PAK6: variants seen among roughly 807,000 people sequenced by gnomAD.
The protein encoded by PAK6 is serine/threonine-protein kinase PAK 6.
In PAK6, 33 loss-of-function variants were observed where a neutral mutation model predicts 60.8. That is an observed-to-expected ratio of 0.54 (90% CI 0.41 to 0.73). PAK6 has a LOEUF of 0.73. Among genes scored for constraint, PAK6 ranks in the 30% least tolerant of loss-of-function variants. The pLI is 0.00. For synonymous variants in PAK6, 404 were observed against 378.5 expected, an observed-to-expected ratio of 1.07 and a Z score of -0.78; for missense variants, 845 against 904.1, an observed-to-expected ratio of 0.93 and a Z score of 0.84.
chr15:40,248,242 G>A lies in PAK6; in HGVS notation c.-117-4936G>A, dbSNP rs184462510. 7.2e-5 allele frequency among the ~76,000 whole-genome samples: 11 copies of A among 152,302 alleles called. No individual in the cohort carries two copies. The East Asian group carries it at 2.1e-3, about 29-fold the overall frequency. On this transcript the variant is annotated intron_variant, in intron 2 of 10. Coordinates refer to ENST00000560346, the Ensembl canonical transcript of PAK6. ...CGGCTCACACTTCCAGATGCTCGGAGGTTCAGAGGTTTGCACCTCCCTCTT... is the reference window on the plus strand; with the variant it reads ...CGGCTCACACTTCCAGATGCTCGGAAGTTCAGAGGTTTGCACCTCCCTCTT...
chr15:40,273,381 C>G, exon 8 of PAK6: 1 of 1,614,000 alleles, frequency 6.2e-7, no homozygotes, highest in Non-Finnish European at 8.5e-7. Flanking sequence ...GTGTGTGAGG[C>G]TGTGCTGCAG....
chr15:40,251,053 CAGG>C (rs1384030322), intron 2 of PAK6: 1 of 152,498 alleles, frequency 6.6e-6, no homozygotes, highest in Non-Finnish European at 1.5e-5. Flanking sequence ...TGGGTGACCA[CAGG>C]AGGTCAGAGT....
chr15:40,272,592 C>T, exon 6 of PAK6: 2 of 1,612,984 alleles, frequency 1.2e-6, no homozygotes, highest in Non-Finnish European at 1.7e-6. Context: ...TGCTGGACAG[C>T]TACGTGAAGA....
In PAK6 at chr15:40,275,991, C is replaced by T. The variant is rs768900428; in HGVS notation, c.1943C>T (p.Thr648Ile). The T allele has an allele frequency of 2.5e-6, 4 of 1,613,602 alleles. No homozygotes were observed. The highest frequency in any genetic ancestry group is 3.4e-6 in the Non-Finnish European group (4 of 1,179,936). ...GTGCGGGACCCCCAAGAGAGAGCCA[C>T]AGCCCAGGAGCTCCTAGACCACCCC... Residue 648 changes from threonine to isoleucine, a missense_variant, in exon 11 of 11, where the codon ACA (threonine) becomes ATA (isoleucine). Thr to Ile is a moderately conservative substitution (Grantham distance 89). Transcript: ENST00000560346.
chr15:40,264,494 C>T (rs565285690), intron 3 of PAK6: 27 of 558,774 alleles, frequency 4.8e-5, no homozygotes, highest in South Asian at 1.4e-4. Context: ...AACACACCCC[C>T]AGAGTCTGCC....
At chr15:40,252,447 C>A in intron 2 of PAK6, 1 of 1,360,340 alleles carries the variant, frequency 7.4e-7, no homozygotes, top group South Asian at 1.1e-5. Flanking sequence ...CGGCGCCCCT[C>A]GGGCAGAGGG....
At chr15:40,273,674 G>A in exon 9 of PAK6, 1 of 1,613,684 alleles carries the variant, frequency 6.2e-7, no homozygotes, top group African/African-American at 1.3e-5. Context: ...GTATGCCACT[G>A]AGGTAACCGT....
chr15:40,268,364 T>G (rs554195941), intron 5 of PAK6, among the ~76,000 whole-genome samples: 2 of 152,290 alleles, frequency 1.3e-5, no homozygotes, highest in Non-Finnish European at 2.9e-5. Flanking sequence ...TCACTAGAAG[T>G]TGGTGGTACC....
intron 2 of PAK6, among the ~76,000 whole-genome samples, chr15:40,248,651 G>A (rs929116151): frequency 3.9e-5 from 6 of 152,206 alleles, no homozygotes; most frequent in South Asian, 2.1e-4. Context: ...GGAACCTGAG[G>A]GCCCCTCTGC....
chr15:40,270,584 C>T lies in PAK6; in HGVS notation c.859-1640C>T, dbSNP rs148765496. ...TCCTGACAGCCCAGTCCAGGGGTCC[C>T]ACTGCTCCACTACACAGTGGATGGT... On this transcript the variant is annotated intron_variant, in intron 5 of 10. Coordinates refer to ENST00000560346, the Ensembl canonical transcript of PAK6. Among the ~76,000 whole-genome samples, 129 of 152,338 alleles carry T rather than the reference C, an allele frequency of 8.5e-4. 2 individuals are homozygous for T. In the East Asian group the frequency reaches 0.024, roughly 28 times the overall value.
intron 9 of PAK6, 78 bp downstream of exon 9, chr15:40,273,754 T>C (rs2039375336): frequency 3.2e-6 from 5 of 1,539,056 alleles, no homozygotes; most frequent in Admixed American, 3.7e-5. Context: ...GCCCCTCCAG[T>C]GAGCTCACCA....
chr15:40,265,915 C>A lies in PAK6; in HGVS notation c.278C>A (p.Ser93Ter). Reference sequence around the variant, plus strand: ...CTGCTCAACGACATCCAGAAGTTGTCAGTCATCAGCTCCAACACCCTGCGT... The same window carrying A: ...CTGCTCAACGACATCCAGAAGTTGTAAGTCATCAGCTCCAACACCCTGCGT... Residue 93 changes from serine to a stop codon, truncating the protein, a stop_gained, in exon 5 of 11, where the codon TCA becomes TAA. Coordinates refer to ENST00000560346, the Ensembl canonical transcript of PAK6. LOFTEE classifies it high-confidence loss of function. The A allele has an allele frequency of 6.3e-7, 1 of 1,594,328 alleles. No individual in the cohort carries two copies. Among genetic ancestry groups the A allele is most frequent in the Non-Finnish European group, 8.6e-7 (1 of 1,167,686 alleles).
At chr15:40,274,723 T>C (rs145631111) in intron 10 of PAK6, among the ~76,000 whole-genome samples, 21 of 152,354 alleles carry the variant, frequency 1.4e-4, no homozygotes, top group African/African-American at 4.8e-4. Context: ...GCTCCATCGT[T>C]GCACACCCCG....
intron 5 of PAK6, chr15:40,266,888 A>C (rs940436702): frequency 3.3e-5 from 6 of 183,754 alleles, no homozygotes; most frequent in Non-Finnish European, 6.7e-5. Context: ...ATTTCTTGGC[A>C]GGCAGAGTGG....
At chr15:40,276,201 G>T in exon 11 of PAK6, 1 of 1,128,592 alleles carries the variant, frequency 8.9e-7, no homozygotes, top group Non-Finnish European at 1.3e-6. Flanking sequence ...TCTCTCCAAA[G>T]ATTGAAATGT....
At chr15:40,275,880 G>C in intron 10 of PAK6, 47 bp from the exon 11 acceptor site, 2 of 1,564,144 alleles carry the variant, frequency 1.3e-6, no homozygotes, top group Non-Finnish European at 1.7e-6. Context: ...AGGTCACCCC[G>C]AAGTGACTGC....
At chr15:40,252,499 G>T (rs2038703230) in intron 2 of PAK6, 2 of 1,363,290 alleles carry the variant, frequency 1.5e-6, no homozygotes, top group Admixed American at 1.9e-5. Flanking sequence ...AACTTCTCCC[G>T]CGCTCTGGGT....
chr15:40,272,500 G>A (rs749822688), exon 6 of PAK6: 1 of 1,613,820 alleles, frequency 6.2e-7, no homozygotes, highest in South Asian at 1.1e-5. Flanking sequence ...TGCCCTGGCT[G>A]GTGAGGACAC....
intron 3 of PAK6, among the ~76,000 whole-genome samples, chr15:40,255,299 G>C (rs1274555888): frequency 6.6e-6 from 1 of 152,212 alleles, no homozygotes; most frequent in Non-Finnish European, 1.5e-5. Context: ...TCTCTCCCCT[G>C]GGGATTCACT....
Sources: gnomAD v4.1 joint callset for allele counts (sites outside exome capture counted in the v4.1 genomes callset) on GRCh38, gnomAD v4.1.1 for gene constraint, MANE v1.5 for transcripts, NCBI Gene and HGNC (gene_info 2026-07-23, HGNC 2026-07-21) for gene names.